The following DLC1 variants were observed in gnomAD, a reference collection of about 807,000 sequenced individuals.
DLC1 encodes rho GTPase-activating protein 7.
In DLC1, 54 loss-of-function variants were observed where a neutral mutation model predicts 140.3. The ratio of observed to expected loss-of-function variants is 0.38; its 90% CI spans 0.31 to 0.48. The LOEUF is 0.48. Ranked by LOEUF, DLC1 falls within the 20% of genes least tolerant of loss-of-function variation. The pLI is 0.96. For missense variants in DLC1, 2,536 were observed against 1,907.0 expected, an observed-to-expected ratio of 1.33 and a Z score of -6.14; for synonymous variants, 986 against 728.1, an observed-to-expected ratio of 1.35 and a Z score of -5.70.
At chr8:13,477,647 A>C (rs1800495319) in intron 2 of DLC1, among the ~76,000 whole-genome samples, 1 of 152,200 alleles carries the variant, frequency 6.6e-6, no homozygotes, top group African/African-American at 2.4e-5. Flanking sequence ...CTTGTATAAG[A>C]GAGAATACTG....
intron 4 of DLC1, among the ~76,000 whole-genome samples, chr8:13,327,019 A>G (rs1012277442): frequency 6.6e-6 from 1 of 151,210 alleles, no homozygotes; most frequent in Non-Finnish European, 1.5e-5. Context: ...CAGTGGCACG[A>G]TCTTGGCTCA....
chr8:13,239,585 T>C (rs1314551520), intron 5 of DLC1, among the ~76,000 whole-genome samples: 2 of 152,138 alleles, frequency 1.3e-5, no homozygotes, highest in Non-Finnish European at 2.9e-5. Flanking sequence ...TCCAGGCCAA[T>C]ATTATACCAT....
At chr8:13,405,917 T>TTTTCTTTCTTTCCTTCTTTC (rs1554514391) in intron 2 of DLC1, among the ~76,000 whole-genome samples, 48 of 84,944 alleles carry the variant, frequency 5.7e-4, no homozygotes, top group African/African-American at 2.3e-3. Context: ...CTTTCTTTTC[T>TTTTCTTTCTTTCCTTCTTTC]TTTCTTTCTT....
intron 4 of DLC1, among the ~76,000 whole-genome samples, chr8:13,358,267 A>G (rs1835043223): frequency 6.6e-6 from 1 of 152,176 alleles, no homozygotes; most frequent in African/African-American, 2.4e-5. Flanking sequence ...CACATACAAA[A>G]TGTTTTCACT....
At chr8:13,219,702 G>T (rs1439507855) in intron 5 of DLC1, among the ~76,000 whole-genome samples, 1 of 151,672 alleles carries the variant, frequency 6.6e-6, no homozygotes, top group Non-Finnish European at 1.5e-5. Flanking sequence ...TAAAATATGG[G>T]TCTTCAAACA....
At chr8:13,355,862 A>T (rs989322041) in intron 4 of DLC1, among the ~76,000 whole-genome samples, 8 of 152,022 alleles carry the variant, frequency 5.3e-5, no homozygotes, top group Non-Finnish European at 1.5e-5. Flanking sequence ...AGGTGGGCAG[A>T]TCATGAGGTC....
At chr8:13,434,972 G>C (rs982795527) in intron 2 of DLC1, among the ~76,000 whole-genome samples, 1 of 150,890 alleles carries the variant, frequency 6.6e-6, no homozygotes, top group Non-Finnish European at 1.5e-5. Flanking sequence ...GACCCCCCCC[G>C]GCTCACCCTC....
chr8:13,092,386 G>A (rs781129786), intron 13 of DLC1, among the ~76,000 whole-genome samples: 20 of 152,202 alleles, frequency 1.3e-4, no homozygotes, highest in Non-Finnish European at 2.6e-4. Flanking sequence ...GGATCAGTTC[G>A]ATGGATTTTG....
chr8:13,132,914 G>A (rs761646447), intron 5 of DLC1: 1 of 1,582,306 alleles, frequency 6.3e-7, no homozygotes, highest in African/African-American at 1.3e-5. Flanking sequence ...CCCGCGGCCA[G>A]CCCGACGGCA....
At chr8:13,592,196 C>T (rs983031662) in intron 1 of DLC1, among the ~76,000 whole-genome samples, 1 of 152,084 alleles carries the variant, frequency 6.6e-6, no homozygotes, top group Non-Finnish European at 1.5e-5. Flanking sequence ...TTATATTTAT[C>T]AACTTTTAGA....
chr8:13,527,665 G>C (rs1417093621), intron 1 of DLC1, among the ~76,000 whole-genome samples: 1 of 151,842 alleles, frequency 6.6e-6, no homozygotes, highest in Non-Finnish European at 1.5e-5. Flanking sequence ...TTGTTATTTT[G>C]GTAAATGCAC....
chr8:13,433,481 C>G (rs1036806470), intron 2 of DLC1, among the ~76,000 whole-genome samples: 4 of 152,182 alleles, frequency 2.6e-5, no homozygotes, highest in African/African-American at 9.6e-5. Flanking sequence ...AAAAAGTTAA[C>G]AACCAAGTTG....
At chr8:13,497,782 A>G (rs773090220) in intron 2 of DLC1, among the ~76,000 whole-genome samples, 2 of 152,214 alleles carry the variant, frequency 1.3e-5, no homozygotes, top group Non-Finnish European at 2.9e-5. Context: ...CAGTTTAATC[A>G]TAACAACTTT....
intron 4 of DLC1, among the ~76,000 whole-genome samples, chr8:13,355,473 G>C (rs1834894676): frequency 6.6e-6 from 1 of 152,180 alleles, no homozygotes; most frequent in African/African-American, 2.4e-5. Context: ...TTCAGATCAA[G>C]GTCTGGCAGG....
chr8:13,239,317 CTG>C (rs1829443541), intron 5 of DLC1, among the ~76,000 whole-genome samples: 3 of 151,920 alleles, frequency 2.0e-5, no homozygotes, highest in African/African-American at 7.3e-5. Flanking sequence ...TACTGGGATG[CTG>C]TGTAGGTCAA....
chr8:13,533,872 T>C (rs1269492348), intron 1 of DLC1, among the ~76,000 whole-genome samples: 2 of 152,194 alleles, frequency 1.3e-5, no homozygotes, highest in Non-Finnish European at 2.9e-5. Context: ...TCTTTCCCAC[T>C]GCCTTGTGAG....
intron 5 of DLC1, among the ~76,000 whole-genome samples, chr8:13,211,589 G>A (rs1171406249): frequency 1.3e-5 from 2 of 152,146 alleles, no homozygotes. Context: ...AACTTTTGAG[G>A]TAAATATTGG....
At chr8:13,134,909 T>G (rs1047846182) in intron 5 of DLC1, among the ~76,000 whole-genome samples, 6 of 152,154 alleles carry the variant, frequency 3.9e-5, no homozygotes, top group African/African-American at 1.4e-4. Flanking sequence ...TTTCCAGGCT[T>G]TTTACCTACT....
At chr8:13,319,533 A>C (rs1833002763) in intron 4 of DLC1, among the ~76,000 whole-genome samples, 1 of 151,036 alleles carries the variant, frequency 6.6e-6, no homozygotes, top group Non-Finnish European at 1.5e-5. Flanking sequence ...AGTTCTTACA[A>C]AATCTGGTTG....
Sources: allele counts gnomAD v4.1 joint callset (sites outside exome capture counted in the v4.1 genomes callset), GRCh38; gene constraint gnomAD v4.1.1; transcripts MANE v1.5; gene names NCBI Gene and HGNC (gene_info 2026-07-23, HGNC 2026-07-21).